Variants in SECISBP2 observed in about 807,000 individuals in gnomAD.
SECISBP2 encodes SECIS binding protein 2, also known as selenocysteine insertion sequence-binding protein 2.
Under a neutral mutation model 98.2 loss-of-function variants are expected in SECISBP2, and 96 were observed. That is an observed-to-expected ratio of 0.98 (90% CI 0.83 to 1.16). The LOEUF (loss-of-function observed/expected upper bound fraction) is 1.16. SECISBP2 is among the 50% of genes most tolerant of loss of function. SECISBP2 has a pLI of 0.00. For synonymous variants in SECISBP2, 407 were observed against 370.2 expected, an observed-to-expected ratio of 1.10 and a Z score of -1.14; for missense variants, 1,046 against 1,022.9, an observed-to-expected ratio of 1.02 and a Z score of -0.31.
rs201068154 is a variant in SECISBP2 at position 89,328,849 on chromosome 9, T to G, written c.764T>G (p.Leu255Arg). 33 of 1,614,046 alleles carry G rather than the reference T, an allele frequency of 2.0e-5. No individual in the cohort carries two copies. Among genetic ancestry groups the G allele is most frequent in the Non-Finnish European group, 8.5e-7 (1 of 1,179,874 alleles). ...TCTGTCTCTACCGACATTTCTCTTC[T>G]AAGAGAAGTAGTAAAACCAGCTGCA... Reference protein sequence around the residue: ...VHSVSTDISLLREVVKPAAVL... With the variant: ...VHSVSTDISLRREVVKPAAVL... The change falls in exon 5 of 17, where the codon CTA becomes CGA. Residue 255 changes from leucine (L) to arginine (R), a missense_variant. Leu to Arg is a moderately radical substitution (Grantham distance 102). Transcript: ENST00000375807.
At chr9:89,325,032 A>G (rs1380002957) in intron 2 of SECISBP2, 3 of 293,718 alleles carry the variant, frequency 1.0e-5, no homozygotes, top group South Asian at 3.2e-5. Context: ...GGAGAAAACC[A>G]TTTGCAGGAG....
chr9:89,338,607 G>A (rs976584484), intron 8 of SECISBP2, 27 bp downstream of exon 8: 7 of 1,606,786 alleles, frequency 4.4e-6, no homozygotes, highest in African/African-American at 1.3e-5. Flanking sequence ...TATTCACATG[G>A]TGTGATATAA....
chr9:89,323,237 G>A (rs1033660866), intron 2 of SECISBP2: 2 of 152,314 alleles, frequency 1.3e-5, no homozygotes, highest in African/African-American at 4.8e-5. Context: ...GAAATAGTAA[G>A]TGGAAATGAC....
intron 14 of SECISBP2, among the ~76,000 whole-genome samples, chr9:89,356,027 T>C (rs985540216): frequency 6.6e-6 from 1 of 152,224 alleles, no homozygotes; most frequent in African/African-American, 2.4e-5. Context: ...CTGTAGTAAC[T>C]TACAGTATTT....
chr9:89,328,573 G>A, intron 4 of SECISBP2, 87 bp from the exon 5 acceptor site: 1 of 971,356 alleles, frequency 1.0e-6, no homozygotes, highest in South Asian at 1.3e-5. Context: ...AATAGCAATA[G>A]TCTTTGTACT....
rs80223279 is a variant in SECISBP2 at position 89,328,317 on chromosome 9, A to G, written c.575-343A>G. ...CGCACCATGACATTACCAGTAGACA[A>G]TAGGAATTTTTCAGCTTCATTACAA... On this transcript the variant is annotated intron_variant, in intron 4 of 16. Coordinates refer to ENST00000375807, the MANE Select transcript of SECISBP2 (RefSeq NM_024077.5). Among the ~76,000 whole-genome samples, 140 of 152,308 alleles carry G rather than the reference A, an allele frequency of 9.2e-4. 1 individual carries two copies. The East Asian group carries it at 9.6e-3, about 10-fold the overall frequency.
intron 2 of SECISBP2, 118 bp from the exon 3 acceptor site, chr9:89,325,309 A>G (rs1388329134): frequency 1.1e-6 from 1 of 895,566 alleles, no homozygotes; most frequent in African/African-American, 1.7e-5. Flanking sequence ...GGATTATTCC[A>G]GTGCTAGAGT....
rs748680656 is a variant in SECISBP2, at chr9:89,332,966, A to T, written c.860A>T (p.Asn287Ile). The T allele has an allele frequency of 2.5e-6, 4 of 1,613,750 alleles. No homozygotes were observed. In the African/African-American group the frequency reaches 5.3e-5, roughly 22 times the overall value. The part of the protein sequence containing the change: ...NESVTANAAT[N>I]SPSCTRELSW... Reference sequence around the variant, plus strand: ...TCTGTAACTGCTAATGCCGCTACCAATTCTCCTTCATGTACAAGAGGTAAA... The same window carrying T: ...TCTGTAACTGCTAATGCCGCTACCATTTCTCCTTCATGTACAAGAGGTAAA... The change falls in exon 6 of 17, where the codon AAT (asparagine) becomes ATT (isoleucine). Residue 287 changes from asparagine (N) to isoleucine (I), a missense_variant. Physicochemically the swap from Asn to Ile is moderately radical, Grantham distance 149. Transcript: ENST00000375807.
chr9:89,362,508 C>T (rs573542567), downstream of SECISBP2: 22 of 1,612,452 alleles, frequency 1.4e-5, no homozygotes, highest in Admixed American at 2.7e-4. Context: ...TGTCTCATAG[C>T]CCATCCCAGG....
At chr9:89,334,492 T>C (rs771394821) in intron 6 of SECISBP2, 30 bp from the exon 7 acceptor site, 1 of 1,570,126 alleles carries the variant, frequency 6.4e-7, no homozygotes, top group South Asian at 1.1e-5. Flanking sequence ...CTGTTGAGAT[T>C]GTTCAACAAT....
At position 89,319,655 on chromosome 9, in the gene SECISBP2, A is replaced by G. The variant is rs1272747835; in HGVS notation, c.40A>G (p.Ile14Val). The change falls in exon 2 of 17, where the codon ATC becomes GTC. Residue 14 changes from isoleucine (I) to valine (V), a missense_variant. Physicochemically the swap from Ile to Val is conservative, Grantham distance 29. Transcript: ENST00000375807. ...EGPREPESEG[I>V]KLSADVKPFV... Reference sequence around the variant, plus strand: ...AAAACCTCATATTTTTCCTCAGGGCATCAAGTTATCAGCAGATGTCAAACC... The same window carrying G: ...AAAACCTCATATTTTTCCTCAGGGCGTCAAGTTATCAGCAGATGTCAAACC... The G allele has an allele frequency of 1.2e-6, 2 of 1,614,042 alleles. No homozygotes were observed. Among genetic ancestry groups the G allele is most frequent in the Non-Finnish European group, 1.7e-6 (2 of 1,180,020 alleles).
chr9:89,318,556 GCCT>G lies in SECISBP2; in HGVS notation c.-15_-13del. On this transcript the variant is annotated 5_prime_UTR_variant, in exon 1 of 17. Transcript: ENST00000375807. Reference sequence around the variant, plus strand: ...GCCCGCTGCTGGCCTCCGTGACGCGGCCTCCTCCGCGCCTCGCGGCATGGCGTC... The same window carrying G: ...GCCCGCTGCTGGCCTCCGTGACGCGGCCTCCGCGCCTCGCGGCATGGCGTC... 3.3e-6 allele frequency: 5 copies of G among 1,508,186 alleles called. No individual in the cohort carries two copies. Among genetic ancestry groups the G allele is most frequent in the Non-Finnish European group, 4.4e-6 (5 of 1,134,154 alleles). 93.4% of individuals were successfully genotyped at this position (1,508,186 alleles called of 1,614,324 possible).
chr9:89,341,592 G>T (rs1829666070), intron 10 of SECISBP2, 113 bp downstream of exon 10: 3 of 1,251,960 alleles, frequency 2.4e-6, no homozygotes, highest in Non-Finnish European at 3.5e-6. Context: ...ACAGTGTGAT[G>T]CTAGAATAAG....
chr9:89,351,962 T>C (rs1391770335), intron 14 of SECISBP2, among the ~76,000 whole-genome samples: 1 of 152,198 alleles, frequency 6.6e-6, no homozygotes, highest in Non-Finnish European at 1.5e-5. Context: ...GCTCCCTTCC[T>C]TTCCTAGCAA....
At chr9:89,328,915 T>G in intron 5 of SECISBP2, 29 bp downstream of exon 5, 1 of 1,546,860 alleles carries the variant, frequency 6.5e-7, no homozygotes, top group Non-Finnish European at 8.9e-7. Flanking sequence ...TCTTTTTCTT[T>G]TTCCTTTGTA....
chr9:89,363,387 C>CT (rs775839650), downstream of SECISBP2: 24 of 1,602,622 alleles, frequency 1.5e-5, no homozygotes, highest in Non-Finnish European at 1.9e-5. Context: ...TGCCCTGCCC[C>CT]TGGCTCCAGC....
intron 6 of SECISBP2, among the ~76,000 whole-genome samples, chr9:89,333,677 C>A (rs956186836): frequency 6.6e-6 from 1 of 152,210 alleles, no homozygotes; most frequent in Admixed American, 6.5e-5. Flanking sequence ...GTCATGGGAG[C>A]CTCCTGCCAC....
At chr9:89,326,725 A>G (rs1446024941) in intron 4 of SECISBP2, among the ~76,000 whole-genome samples, 1 of 152,214 alleles carries the variant, frequency 6.6e-6, no homozygotes, top group African/African-American at 2.4e-5. Context: ...TTTAGAGTGT[A>G]CTTACACAGA....
chr9:89,360,831 GAA>G (rs770654889), downstream of SECISBP2: 1 of 151,738 alleles, frequency 6.6e-6, no homozygotes, highest in Non-Finnish European at 1.5e-5. Context: ...GCAGAGCAAA[GAA>G]AGACTCAGAA....
Sources: gnomAD v4.1 joint callset for allele counts (sites outside exome capture counted in the v4.1 genomes callset) on GRCh38, gnomAD v4.1.1 for gene constraint, MANE v1.5 for transcripts, NCBI Gene and HGNC (gene_info 2026-07-23, HGNC 2026-07-21) for gene names.